ADGRD1: variants seen among roughly 807,000 people sequenced by gnomAD.
ADGRD1 encodes the protein adhesion G protein-coupled receptor D1.
Under a neutral mutation model 113.4 loss-of-function variants are expected in ADGRD1, and 77 were observed. The observed-to-expected ratio is 0.68, with a 90% CI of 0.57 to 0.82. The LOEUF is 0.82. ADGRD1 is among the 40% of genes least tolerant of loss of function. ADGRD1 has a pLI of 0.00. For missense variants in ADGRD1, 1,036 were observed against 1,139.1 expected (o/e 0.91, Z 1.30); for synonymous variants, 474 against 475.0 (o/e 1.00, Z 0.03).
At chr12:131,014,950 C>T (rs939530400) in intron 13 of ADGRD1, among the ~76,000 whole-genome samples, 3 of 152,182 alleles carry the variant, frequency 2.0e-5, no homozygotes, top group African/African-American at 4.8e-5. Context: ...ATAATGCTGC[C>T]GTTCTTTAAA....
chr12:130,968,769 A>C (rs1871288238), intron 3 of ADGRD1: 1 of 569,754 alleles, frequency 1.8e-6, no homozygotes. Context: ...GTGGGAACTG[A>C]GTGGGGCCAC....
intron 13 of ADGRD1, among the ~76,000 whole-genome samples, chr12:131,055,386 C>T (rs1593132046): frequency 6.6e-6 from 1 of 152,350 alleles, no homozygotes; most frequent in East Asian, 1.9e-4. Context: ...ATTAAGCACA[C>T]TGACTTCAGC....
At chr12:131,109,318 CT>C (rs910538205) in intron 18 of ADGRD1, among the ~76,000 whole-genome samples, 6 of 151,844 alleles carry the variant, frequency 4.0e-5, no homozygotes, top group Admixed American at 1.3e-4. Flanking sequence ...GTTTCTTCTT[CT>C]TTTCCAGTGT....
intron 3 of ADGRD1, chr12:130,968,768 G>A (rs1180753306): frequency 3.5e-6 from 2 of 569,418 alleles, no homozygotes; most frequent in Non-Finnish European, 6.2e-6. Context: ...TGTGGGAACT[G>A]AGTGGGGCCA....
Position 131,084,503 on chromosome 12 carries a change from G to A in ADGRD1, c.1548-37G>A. The A allele has an allele frequency of 6.2e-7, 1 of 1,613,256 alleles. No individual in the cohort carries two copies. ...CAGTCCCCTGCCTGCCAAGGGTGCG[G>A]TGCTACCTCCTCTGATCCTTTCTCC... On this transcript the variant is annotated intron_variant, in intron 14 of 24. Coordinates refer to ENST00000261654, the MANE Select transcript of ADGRD1 (RefSeq NM_198827.5). This position sits in a 1 kb window ranked among gnomAD's most constrained non-coding sequence, Gnocchi z 4.5.
At position 131,084,468 on chromosome 12, in the gene ADGRD1, G is replaced by T. The variant is rs1295557322; in HGVS notation, c.1548-72G>T. On this transcript the variant is annotated intron_variant, in intron 14 of 24. Coordinates refer to ENST00000261654, the MANE Select transcript of ADGRD1 (RefSeq NM_198827.5). This position sits in a 1 kb window ranked among gnomAD's most constrained non-coding sequence, Gnocchi z 4.5. The stretch of plus-strand genomic sequence containing the variant: ...TTCACGGGGCCATGTGTTATGGGGG[G>T]TGCTGCTCTCAGTCCCCTGCCTGCC... 6 of 1,557,112 alleles carry T rather than the reference G, an allele frequency of 3.9e-6. No individual in the cohort carries two copies. The highest frequency in any genetic ancestry group is 2.7e-5 in the African/African-American group (2 of 73,728).
intron 2 of ADGRD1, among the ~76,000 whole-genome samples, chr12:130,958,601 T>C (rs1869966304): frequency 6.7e-6 from 1 of 150,134 alleles, no homozygotes; most frequent in Admixed American, 6.6e-5. Flanking sequence ...AAGCAGAATC[T>C]AGGGGCCTCC....
intron 2 of ADGRD1, among the ~76,000 whole-genome samples, chr12:130,963,339 A>AAAAG (rs1203292375): frequency 7.3e-6 from 1 of 136,494 alleles, no homozygotes; most frequent in Admixed American, 7.4e-5. Flanking sequence ...AAAAAAAAAA[A>AAAAG]AAAGAAAGAA....
At chr12:130,969,720 A>C (rs1448563143) in intron 3 of ADGRD1, 2 of 152,276 alleles carry the variant, frequency 1.3e-5, no homozygotes, top group Non-Finnish European at 2.9e-5. Flanking sequence ...ATCATCCCGA[A>C]ACCAACCTCT....
chr12:131,129,417 GTGACAGGCCCGCCCTGCTGTCTGGGT>G, intron 20 of ADGRD1, among the ~76,000 whole-genome samples: 1 of 105,232 alleles, frequency 9.5e-6, no homozygotes, highest in Admixed American at 9.0e-5. Flanking sequence ...CTGGGTGTGA[GTGACAGGCCCGCCCTGCTGTCTGGGT>G]GTGACAGGCC....
At chr12:131,019,820 AG>A (rs1879082149) in intron 13 of ADGRD1, among the ~76,000 whole-genome samples, 1 of 148,734 alleles carries the variant, frequency 6.7e-6, no homozygotes, top group Admixed American at 6.7e-5. Context: ...GGGGTGCTCC[AG>A]GGAGATATTC....
intron 5 of ADGRD1, among the ~76,000 whole-genome samples, chr12:130,983,628 T>G (rs1409936482): frequency 2.0e-5 from 3 of 152,156 alleles, no homozygotes; most frequent in Non-Finnish European, 4.4e-5. Context: ...TGTGCTCTCT[T>G]TTGTGCATTG....
chr12:131,041,495 GA>G lies in ADGRD1; in HGVS notation c.1473+27156del, dbSNP rs1378987213. ...AACTAGTGACCTTGGCAGGGAGACC[GA>G]GACCGAGACCACTTTGTGACCTCCG... On this transcript the variant is annotated intron_variant, in intron 13 of 24. Coordinates refer to ENST00000261654, the MANE Select transcript of ADGRD1 (RefSeq NM_198827.5). The surrounding 1 kb of genome is among the most constrained non-coding windows in gnomAD (Gnocchi z 4.4). Among the ~76,000 whole-genome samples, 3 of 152,208 alleles carry G rather than the reference GA, an allele frequency of 2.0e-5. No individual in the cohort carries two copies. Among genetic ancestry groups the G allele is most frequent in the African/African-American group, 7.2e-5 (3 of 41,450 alleles).
chr12:131,083,841 C>G (rs1231282021), intron 14 of ADGRD1, among the ~76,000 whole-genome samples: 2 of 150,550 alleles, frequency 1.3e-5, no homozygotes, highest in Admixed American at 1.3e-4. Context: ...TACGTCTCAT[C>G]CTGATCTCGC....
chr12:131,044,312 G>A (rs2137000391), intron 13 of ADGRD1, among the ~76,000 whole-genome samples: 1 of 152,292 alleles, frequency 6.6e-6, no homozygotes, highest in East Asian at 1.9e-4. Context: ...CGGGGCCGAG[G>A]AGGCCACGCT....
At chr12:130,995,923 G>C (rs980342896) in intron 8 of ADGRD1, among the ~76,000 whole-genome samples, 1 of 152,098 alleles carries the variant, frequency 6.6e-6, no homozygotes, top group South Asian at 2.1e-4. Flanking sequence ...AGGACCCTGC[G>C]GCCTTCCGCA....
At chr12:131,136,950 G>A (rs1842167666) in intron 22 of ADGRD1, 23 bp from the exon 23 acceptor site, 1 of 1,596,434 alleles carries the variant, frequency 6.3e-7, no homozygotes, top group South Asian at 1.1e-5. Flanking sequence ...TCTAATCTCT[G>A]CGTTTCTTCC....
At position 131,003,638 on chromosome 12, in the gene ADGRD1, A is replaced by C. The variant is rs1369429177; in HGVS notation, c.1144+336A>C. On this transcript the variant is annotated intron_variant, in intron 10 of 24. Transcript: ENST00000261654. The surrounding 1 kb of genome is among the most constrained non-coding windows in gnomAD (Gnocchi z 4.8). Reference sequence around the variant, plus strand: ...GGGGTGGCCTCGGGTTTCTGGCGTCAGCTTGCTCTCAGCTGGGCTCCAGGG... The same window carrying C: ...GGGGTGGCCTCGGGTTTCTGGCGTCCGCTTGCTCTCAGCTGGGCTCCAGGG... Among the ~76,000 whole-genome samples, 1 of 152,234 alleles carries C rather than the reference A, an allele frequency of 6.6e-6. No homozygotes were observed. Among genetic ancestry groups the C allele is most frequent in the African/African-American group, 2.4e-5 (1 of 41,470 alleles).
chr12:130,960,386 T>C (rs1464613082), intron 2 of ADGRD1, among the ~76,000 whole-genome samples: 1 of 152,170 alleles, frequency 6.6e-6, no homozygotes, highest in African/African-American at 2.4e-5. Flanking sequence ...TCTAAAGAAC[T>C]GTCAGAACTG....
Sources: gnomAD v4.1 joint callset for allele counts (sites outside exome capture counted in the v4.1 genomes callset) on GRCh38, gnomAD v4.1.1 for gene constraint, Gnocchi (gnomAD v3.1) non-coding constraint, MANE v1.5 for transcripts, NCBI Gene and HGNC (gene_info 2026-07-23, HGNC 2026-07-21) for gene names.